The following FKBP5 variants were observed in gnomAD, a reference collection of about 807,000 sequenced individuals.
FKBP5 encodes the protein peptidyl-prolyl cis-trans isomerase FKBP5.
A neutral mutation model predicts 50.5 loss-of-function variants in FKBP5; 23 were observed. The observed-to-expected ratio is 0.46, with a 90% CI of 0.33 to 0.65. FKBP5 has a LOEUF of 0.65. FKBP5 is among the 30% of genes least tolerant of loss of function. The pLI is 0.02. For synonymous variants in FKBP5, 176 were observed against 190.6 expected, an observed-to-expected ratio of 0.92 and a Z score of 0.63; for missense variants, 411 against 553.1, an observed-to-expected ratio of 0.74 and a Z score of 2.58.
intron 1 of FKBP5, among the ~76,000 whole-genome samples, chr6:35,665,781 G>A (rs140241859): frequency 2.1e-3 from 313 of 152,166 alleles, no homozygotes; most frequent in Non-Finnish European, 3.4e-3. Flanking sequence ...TTTGGGTTAC[G>A]AGTTTCAACT....
chr6:35,641,325 C>T (rs759287199), intron 2 of FKBP5, among the ~76,000 whole-genome samples: 1 of 152,104 alleles, frequency 6.6e-6, no homozygotes, highest in Non-Finnish European at 1.5e-5. Flanking sequence ...AAGAAGCACA[C>T]TCTAAAATAA....
chr6:35,598,754 T>A (rs942166161), intron 5 of FKBP5, among the ~76,000 whole-genome samples: 9 of 151,850 alleles, frequency 5.9e-5, no homozygotes, highest in African/African-American at 1.9e-4. Context: ...GTGGATCACC[T>A]GAGGTCAGGA....
intron 8 of FKBP5, chr6:35,581,864 A>G: frequency 1.0e-6 from 1 of 985,510 alleles, no homozygotes; most frequent in Non-Finnish European, 1.2e-6. Context: ...AGGATTTACC[A>G]CAGCCCAAGC....
chr6:35,717,822 C>T (rs1241263417), intron 2 of FKBP5, among the ~76,000 whole-genome samples: 1 of 152,210 alleles, frequency 6.6e-6, no homozygotes, highest in Non-Finnish European at 1.5e-5. Context: ...GCCACCTTTG[C>T]CAGAAGTGCC....
At chr6:35,689,803 C>T (rs961684588), upstream of FKBP5, among the ~76,000 whole-genome samples, 4 of 152,180 alleles carry the variant, frequency 2.6e-5, no homozygotes, top group Non-Finnish European at 5.9e-5. Context: ...CGCCACTGCA[C>T]TCCAGCCTGG....
intron 2 of FKBP5, among the ~76,000 whole-genome samples, chr6:35,702,744 G>A (rs1485268980): frequency 8.6e-5 from 13 of 151,958 alleles, no homozygotes; most frequent in Middle Eastern, 3.4e-3. Context: ...GAGCCACCGC[G>A]CCCAGCCATA....
At chr6:35,622,229 C>G (rs1269236794) in intron 3 of FKBP5, among the ~76,000 whole-genome samples, 1 of 152,032 alleles carries the variant, frequency 6.6e-6, no homozygotes, top group Non-Finnish European at 1.5e-5. Context: ...ATGTAAGTGG[C>G]CAGGAATAGT....
At chr6:35,597,544 C>CT in intron 5 of FKBP5, 140 bp from the exon 6 acceptor site, 2 of 983,304 alleles carry the variant, frequency 2.0e-6, no homozygotes, top group Admixed American at 6.8e-5. Context: ...CACAGTGTGT[C>CT]TTGGTGAAGC....
intron 1 of FKBP5, among the ~76,000 whole-genome samples, chr6:35,652,754 T>C (rs1764843396): frequency 6.6e-6 from 1 of 152,174 alleles, no homozygotes. Flanking sequence ...GATATTCTAT[T>C]ACCCTGTTAA....
chr6:35,692,524 C>A (rs1405572851), upstream of FKBP5, among the ~76,000 whole-genome samples: 5 of 152,016 alleles, frequency 3.3e-5, no homozygotes, highest in African/African-American at 1.2e-4. Flanking sequence ...GTATGCCAGG[C>A]GTGGTGGTTC....
At chr6:35,602,895 G>C (rs1763191867) in intron 5 of FKBP5, among the ~76,000 whole-genome samples, 1 of 152,126 alleles carries the variant, frequency 6.6e-6, no homozygotes, top group East Asian at 1.9e-4. Context: ...TAAACAAGAA[G>C]TATACACCCA....
At chr6:35,585,393 A>C (rs963140974) in intron 8 of FKBP5, 31 of 983,794 alleles carry the variant, frequency 3.2e-5, no homozygotes, top group Non-Finnish European at 3.6e-5. Context: ...AAAACAAAAC[A>C]AAACCAAAAA....
intron 2 of FKBP5, among the ~76,000 whole-genome samples, chr6:35,713,100 AAAAG>A (rs1383176081): frequency 1.1e-4 from 16 of 150,682 alleles, no homozygotes; most frequent in Non-Finnish European, 1.2e-4. Context: ...AAAAAAAAAA[AAAAG>A]AAGAAGAAGA....
At chr6:35,650,400 T>C (rs1471976942) in intron 1 of FKBP5, among the ~76,000 whole-genome samples, 2 of 151,500 alleles carry the variant, frequency 1.3e-5, no homozygotes, top group Non-Finnish European at 2.9e-5. Context: ...TCTGGACCAT[T>C]GAAAAAAAAA....
At chr6:35,580,300 A>G in intron 8 of FKBP5, 79 bp from the exon 9 acceptor site, 1 of 1,125,150 alleles carries the variant, frequency 8.9e-7, no homozygotes, top group South Asian at 1.5e-5. Flanking sequence ...AAGTGAAGCA[A>G]CCCCTCCAGC....
chr6:35,631,359 T>C (rs770281063), intron 3 of FKBP5, among the ~76,000 whole-genome samples: 3 of 152,178 alleles, frequency 2.0e-5, no homozygotes, highest in Non-Finnish European at 4.4e-5. Context: ...TTATATGAAA[T>C]TCTACAAAAG....
intron 1 of FKBP5, among the ~76,000 whole-genome samples, chr6:35,685,372 T>TA (rs1269722700): frequency 3.3e-5 from 5 of 152,310 alleles, no homozygotes; most frequent in African/African-American, 1.2e-4. Context: ...ACCCAGTCGC[T>TA]ACTGAATGTA....
intron 2 of FKBP5, among the ~76,000 whole-genome samples, chr6:35,706,596 G>A (rs1766320323): frequency 6.6e-6 from 1 of 152,180 alleles, no homozygotes; most frequent in African/African-American, 2.4e-5. Context: ...GTGGGAAACA[G>A]GGCAAAGCCA....
At position 35,659,975 on chromosome 6, in the gene FKBP5, T is replaced by G. The variant is rs1765044546; in HGVS notation, c.-19-17132A>C. On this transcript the variant is annotated intron_variant, in intron 1 of 10. Transcript: ENST00000357266. ...TAAGGTGAAAGCTGAGGACACTGATTTGTGATTTTACTTCTTACCCAATAT... is the reference window on the plus strand; with the variant it reads ...TAAGGTGAAAGCTGAGGACACTGATGTGTGATTTTACTTCTTACCCAATAT... Among the ~76,000 whole-genome samples the G allele has an allele frequency of 2.7e-5, 2 of 73,456 alleles. 1 individual carries two copies. The highest frequency in any genetic ancestry group is 5.7e-5 in the Non-Finnish European group (2 of 35,246). The allele number at this position is 73,456 out of a possible 152,430, so 48.2% of individuals were successfully genotyped here. A position where few individuals can be genotyped will look rare whatever the true frequency, so the allele number is the denominator to read the frequency against.
Sources: gnomAD v4.1 joint callset for allele counts (sites outside exome capture counted in the v4.1 genomes callset) on GRCh38, gnomAD v4.1.1 for gene constraint, MANE v1.5 for transcripts, NCBI Gene and HGNC (gene_info 2026-07-23, HGNC 2026-07-21) for gene names.